Variants in SPATC1 observed in about 807,000 individuals in gnomAD.
The protein encoded by SPATC1 is speriolin.
SPATC1 carries 35 observed loss-of-function variants against 36.5 expected under a neutral mutation model. The observed-to-expected ratio is 0.96, with a 90% CI of 0.73 to 1.27. The LOEUF (loss-of-function observed/expected upper bound fraction) is 1.27, where lower values mean the gene tolerates loss of function less well. Among genes scored for constraint, SPATC1 ranks in the 50% most tolerant of loss-of-function variants. The probability of loss-of-function intolerance (pLI) is 0.00; values close to 1 mark genes in which losing one functional copy is unlikely to be tolerated. For missense variants in SPATC1, 779 were observed against 796.0 expected (o/e 0.98, Z 0.26); for synonymous variants, 361 against 353.6 (o/e 1.02, Z -0.24).
Position 144,040,832 on chromosome 8 carries a change from A to AG in SPATC1, c.1033dup (p.Val345GlyfsTer26), listed in dbSNP as rs782039639. ...GCCTCTGCCCCCGCCCTTGCCCCCC[A>AG]GGTTGCCACCAGCTACACACCCTCA... On this transcript the variant is annotated frameshift_variant, in exon 3 of 5. Transcript: ENST00000377470. LOFTEE classifies it high-confidence loss of function. 1 of 1,142,252 alleles carries AG rather than the reference A, an allele frequency of 8.8e-7. No individual in the cohort carries two copies. Among genetic ancestry groups the AG allele is most frequent in the Non-Finnish European group, 1.1e-6 (1 of 907,090 alleles). The allele number at this position is 1,142,252 out of a possible 1,614,324, so 70.8% of individuals were successfully genotyped here. A position where few individuals can be genotyped will look rare whatever the true frequency, so the allele number is the denominator to read the frequency against.
intron 1 of SPATC1, among the ~76,000 whole-genome samples, chr8:144,037,012 C>T (rs1834912150): frequency 6.6e-6 from 1 of 151,274 alleles, no homozygotes; most frequent in East Asian, 2.0e-4. Context: ...TCTATGCCAC[C>T]ACCACCTTTG....
In SPATC1 at chr8:144,040,627, T is replaced by A; in HGVS notation, c.826T>A (p.Phe276Ile). The A allele has an allele frequency of 6.2e-7, 1 of 1,611,904 alleles. No homozygotes were observed. Among genetic ancestry groups the A allele is most frequent in the African/African-American group, 1.3e-5 (1 of 74,640 alleles). The change falls in exon 3 of 5, where the codon TTT (phenylalanine) becomes ATT (isoleucine). Residue 276 changes from phenylalanine (F) to isoleucine (I), a missense_variant. Coordinates refer to ENST00000377470, the MANE Select transcript of SPATC1 (RefSeq NM_198572.3). ...GGACCCAGAGCCTCTCAGCATGGCG[T>A]TTGCAGGAGCACCCCTCCAGACCTC... ...TQDPEPLSMA[F>I]AGAPLQTSTP...
At chr8:144,015,391 T>C (rs1834364122) in intron 1 of SPATC1, among the ~76,000 whole-genome samples, 1 of 151,342 alleles carries the variant, frequency 6.6e-6, no homozygotes, top group South Asian at 2.1e-4. Context: ...ATGTAATTTT[T>C]AAATATTTAA....
intron 4 of SPATC1, among the ~76,000 whole-genome samples, chr8:144,043,442 C>T (rs746142180): frequency 2.0e-4 from 31 of 152,114 alleles, no homozygotes; most frequent in African/African-American, 5.1e-4. Flanking sequence ...CCACCAGGCC[C>T]GGCTAATTTT....
rs1587505057 is a variant in SPATC1 at position 144,028,869 on chromosome 8, C to T, written c.212-11040C>T. 2.6e-5 allele frequency among the ~76,000 whole-genome samples: 4 copies of T among 152,028 alleles called. No individual in the cohort carries two copies. In the East Asian group the frequency reaches 7.7e-4, roughly 29 times the overall value. On this transcript the variant is annotated intron_variant, in intron 1 of 4. Transcript: ENST00000377470. ...TACATATATACCATGGAATATTATG[C>T]CATAAAAAGGGATAAGATCATGTCC... is the stretch of plus-strand genomic sequence containing the variant.
At chr8:144,039,773 A>T in intron 1 of SPATC1, 136 bp from the exon 2 acceptor site, 1 of 882,358 alleles carries the variant, frequency 1.1e-6, no homozygotes, top group African/African-American at 1.7e-5. Context: ...CTCAGAGACC[A>T]GGTCGGACCA....
chr8:144,022,641 G>T (rs1834560346), intron 1 of SPATC1, among the ~76,000 whole-genome samples: 1 of 139,610 alleles, frequency 7.2e-6, no homozygotes, highest in African/African-American at 2.7e-5. Flanking sequence ...CCCACTTCAG[G>T]TCTCTCTCCC....
At chr8:144,019,498 G>A (rs1193952803) in intron 1 of SPATC1, among the ~76,000 whole-genome samples, 2 of 152,174 alleles carry the variant, frequency 1.3e-5, no homozygotes, top group African/African-American at 2.4e-5. Flanking sequence ...CAGAACAGGC[G>A]CCAAGAGCTT....
intron 1 of SPATC1, among the ~76,000 whole-genome samples, chr8:144,018,516 A>G (rs2133101316): frequency 6.6e-6 from 1 of 152,180 alleles, no homozygotes; most frequent in South Asian, 2.1e-4. Context: ...AGACTGTTGG[A>G]AAATACGCAA....
chr8:144,041,465 A>G lies in SPATC1; in HGVS notation c.1446+94A>G, dbSNP rs1835099342. On this transcript the variant is annotated intron_variant, in intron 4 of 4. Coordinates refer to ENST00000377470, the MANE Select transcript of SPATC1 (RefSeq NM_198572.3). ...CTCTGGCCAGGCCAAACTTGCCAGG[A>G]CCTGAGGAGTCCCTGGGATAGAGGA... 4.0e-6 allele frequency: 6 copies of G among 1,483,586 alleles called. No individual in the cohort carries two copies. In the East Asian group the frequency reaches 1.4e-4, roughly 34 times the overall value. The allele number at this position is 1,483,586 out of a possible 1,614,324, so 91.9% of individuals were successfully genotyped here. A position where few individuals can be genotyped will look rare whatever the true frequency, so the allele number is the denominator to read the frequency against.
Position 144,012,617 on chromosome 8 carries a change from T to C in SPATC1, c.102T>C (p.Asn34=), listed in dbSNP as rs1326515823. The C allele has an allele frequency of 6.4e-7, 1 of 1,551,508 alleles. No individual in the cohort carries two copies. Among genetic ancestry groups the C allele is most frequent in the East Asian group, 2.4e-5 (1 of 40,924 alleles). Reference sequence around the variant, plus strand: ...AGTTGGTGCGGCTCATTCGGGAGAATCACGAGCTCAAGTCAGCGATCAAGA... The same window carrying C: ...AGTTGGTGCGGCTCATTCGGGAGAACCACGAGCTCAAGTCAGCGATCAAGA... ...LKKLVRLIRE[N]HELKSAIKTQ... The change falls in exon 1 of 5, where the codon AAT becomes AAC. Residue 34 remains asparagine, a synonymous_variant. Coordinates refer to ENST00000377470, the MANE Select transcript of SPATC1 (RefSeq NM_198572.3).
chr8:144,017,629 C>T (rs1239364427), intron 1 of SPATC1, among the ~76,000 whole-genome samples: 3 of 152,186 alleles, frequency 2.0e-5, no homozygotes, highest in African/African-American at 7.2e-5. Flanking sequence ...TCTACCACAT[C>T]CTGGCACAAA....
intron 1 of SPATC1, among the ~76,000 whole-genome samples, chr8:144,036,724 T>A (rs1268804249): frequency 1.3e-5 from 2 of 152,056 alleles, no homozygotes; most frequent in Non-Finnish European, 2.9e-5. Context: ...CTCAGAGACT[T>A]CCTGGGGAAC....
intron 1 of SPATC1, among the ~76,000 whole-genome samples, chr8:144,025,707 C>T (rs1280879861): frequency 2.0e-5 from 3 of 152,124 alleles, no homozygotes; most frequent in Non-Finnish European, 4.4e-5. Flanking sequence ...GACCAGGGAC[C>T]TCGGTAAGGC....
chr8:144,018,070 C>A (rs1834428831), intron 1 of SPATC1, among the ~76,000 whole-genome samples: 1 of 152,102 alleles, frequency 6.6e-6, no homozygotes, highest in African/African-American at 2.4e-5. Context: ...CAGATCCTGA[C>A]TGAGGACAGG....
intron 1 of SPATC1, among the ~76,000 whole-genome samples, chr8:144,032,467 A>G (rs1402589389): frequency 6.6e-6 from 1 of 151,890 alleles, no homozygotes; most frequent in Non-Finnish European, 1.5e-5. Flanking sequence ...TAGTAGAGAC[A>G]GGGTTTCACC....
At chr8:144,036,648 A>G (rs1834904146) in intron 1 of SPATC1, among the ~76,000 whole-genome samples, 1 of 152,192 alleles carries the variant, frequency 6.6e-6, no homozygotes, top group Admixed American at 6.5e-5. Flanking sequence ...CAAAAGGCAA[A>G]TAAAGTGGCA....
intron 1 of SPATC1, among the ~76,000 whole-genome samples, chr8:144,026,761 C>T (rs1371752535): frequency 6.6e-6 from 1 of 150,554 alleles, no homozygotes; most frequent in African/African-American, 2.4e-5. Context: ...TGAGAAATAT[C>T]TATTTAGATC....
At chr8:144,019,059 A>G (rs1834451205) in intron 1 of SPATC1, among the ~76,000 whole-genome samples, 2 of 151,370 alleles carry the variant, frequency 1.3e-5, no homozygotes, top group African/African-American at 4.8e-5. Flanking sequence ...AAAAAAAAAA[A>G]AAAAGGGACG....
Sources: allele counts gnomAD v4.1 joint callset (sites outside exome capture counted in the v4.1 genomes callset), GRCh38; gene constraint gnomAD v4.1.1; transcripts MANE v1.5; gene names NCBI Gene and HGNC (gene_info 2026-07-23, HGNC 2026-07-21).